The following DMD variants were observed in gnomAD, a reference collection of about 807,000 sequenced individuals.
DMD encodes mutant dystrophin.
A neutral mutation model predicts 330.1 loss-of-function variants in DMD; 63 were observed. The observed-to-expected ratio is 0.19, with a 90% confidence interval of 0.16 to 0.24. The LOEUF is 0.24. Ranked by LOEUF, DMD falls within the 10% of genes least tolerant of loss-of-function variation. The pLI is 1.00. For synonymous variants in DMD, 1,223 were observed against 959.8 expected (o/e 1.27, Z -5.07); for missense variants, 3,344 against 2,684.1 (o/e 1.25, Z -5.43).
rs374080094 is a variant in DMD, at chrX:33,293,623, T to G, written c.7+45636A>C. On this transcript the variant is annotated intron_variant, in intron 1 of 17. Coordinates refer to the DMD transcript ENST00000288447. ...CTAGCTGCAATGGAGGATGAAAAATTTAAACTTTATTGTAGGATGTTCATT... is the reference window on the plus strand; with the variant it reads ...CTAGCTGCAATGGAGGATGAAAAATGTAAACTTTATTGTAGGATGTTCATT... 3.5e-4 allele frequency among the ~76,000 whole-genome samples: 39 copies of G among 110,977 alleles called. No individual in the cohort carries two copies. The South Asian group carries it at 0.014, about 40-fold the overall frequency.
intron 63 of DMD, among the ~76,000 whole-genome samples, chrX:31,246,605 C>T (rs1206357091): frequency 1.8e-5 from 2 of 112,157 alleles, no homozygotes; most frequent in African/African-American, 3.2e-5. Context: ...GCTCATCTAC[C>T]ATTCTGAAAT....
Position 31,379,487 on chromosome X carries a change from A to C in DMD, c.9085-30853T>G, listed in dbSNP as rs758617376. ...TTACAGCCCTAGACCCTAAAAGGTC[A>C]AAAGGCCGTCTTATTCTCAATATAT... On this transcript the variant is annotated intron_variant, in intron 60 of 78. Coordinates refer to ENST00000357033, the MANE Select transcript of DMD (RefSeq NM_004006.3). Among the ~76,000 whole-genome samples, 4 of 111,702 alleles carry C rather than the reference A, an allele frequency of 3.6e-5. No homozygotes were observed. The East Asian group carries it at 8.4e-4, about 23-fold the overall frequency.
At chrX:33,084,712 C>A (rs1284041590) in intron 1 of DMD, among the ~76,000 whole-genome samples, 1 of 111,676 alleles carries the variant, frequency 9.0e-6, no homozygotes, top group Non-Finnish European at 1.9e-5. Context: ...AGCTGCATGA[C>A]TCCTAAACCA....
At chrX:31,268,545 G>A (rs1359850695) in intron 62 of DMD, among the ~76,000 whole-genome samples, 1 of 111,362 alleles carries the variant, frequency 9.0e-6, no homozygotes, top group Non-Finnish European at 1.9e-5. Context: ...GGTCTGAGGG[G>A]GGCACACTAA....
rs1273190506 is a variant in DMD at position 31,434,456 on chromosome X, A to G, written c.9084+10025T>C. Among the ~76,000 whole-genome samples, 757 of 103,043 alleles carry G rather than the reference A, an allele frequency of 7.3e-3. 5 individuals are homozygous for G. Among genetic ancestry groups the G allele is most frequent in the African/African-American group, 0.025 (705 of 28,209 alleles). 89.5% of individuals were successfully genotyped at this position (103,043 alleles called of 115,157 possible). On this transcript the variant is annotated intron_variant, in intron 60 of 78. Coordinates refer to ENST00000357033, the MANE Select transcript of DMD (RefSeq NM_004006.3). ...CACACACACACACACACACACACAC[A>G]CACACACACACACACACATTTAGGT...
rs764601464 is a variant in DMD, at chrX:32,485,022, T to C, written c.2700A>G (p.Lys900=). 4.1e-6 allele frequency: 5 copies of C among 1,211,631 alleles called. No homozygotes were observed. The highest frequency in any genetic ancestry group is 3.4e-6 in the Non-Finnish European group (3 of 895,227). The change falls in exon 21 of 79, where the codon AAA becomes AAG. Residue 900 remains lysine, a synonymous_variant. Coordinates refer to ENST00000357033, the MANE Select transcript of DMD (RefSeq NM_004006.3). ...LKIQSIALKE[K]GQGPMFLDAD... is the part of the protein sequence containing the mutation. ...CATCCAGGAACATGGGTCCTTGTCC[T>C]TTCTCTTTCAGGGCTATGCTTTGAA...
intron 67 of DMD, among the ~76,000 whole-genome samples, chrX:31,198,480 A>G (rs1195435026): frequency 8.9e-6 from 1 of 112,301 alleles, no homozygotes; most frequent in African/African-American, 3.2e-5. Context: ...GGACACCCCA[A>G]TTACTCTGAT....
intron 1 of DMD, among the ~76,000 whole-genome samples, chrX:33,281,629 G>A (rs993993633): frequency 9.0e-6 from 1 of 111,066 alleles, no homozygotes; most frequent in African/African-American, 3.3e-5. Context: ...TCAGTATGCA[G>A]GCGACTTTTG....
chrX:32,265,114 C>T (rs190062454), intron 43 of DMD, among the ~76,000 whole-genome samples: 1 of 112,101 alleles, frequency 8.9e-6, no homozygotes, highest in African/African-American at 3.2e-5. Context: ...CATGGCAGCC[C>T]CTCCCATCAT....
intron 44 of DMD, among the ~76,000 whole-genome samples, chrX:32,127,335 G>A (rs1434872778): frequency 9.0e-6 from 1 of 111,559 alleles, no homozygotes; most frequent in Admixed American, 9.6e-5. Flanking sequence ...GAAATCAGAA[G>A]TGTCTCTCAC....
At chrX:32,763,664 C>T (rs2072608945) in intron 7 of DMD, among the ~76,000 whole-genome samples, 1 of 111,985 alleles carries the variant, frequency 8.9e-6, no homozygotes, top group African/African-American at 3.2e-5. Flanking sequence ...CAGTAATGGT[C>T]TACCAACCTT....
chrX:31,377,188 G>T (rs1227698731), intron 60 of DMD, among the ~76,000 whole-genome samples: 1 of 111,751 alleles, frequency 8.9e-6, no homozygotes, highest in African/African-American at 3.3e-5. Flanking sequence ...GGGGGGAATT[G>T]AATGCCTCCC....
chrX:32,472,043 T>A, intron 22 of DMD, 121 bp downstream of exon 22: 2 of 893,698 alleles, frequency 2.2e-6, no homozygotes, highest in South Asian at 4.2e-5. Context: ...TTTCATTTGC[T>A]CAATGGGCAA....
intron 7 of DMD, among the ~76,000 whole-genome samples, chrX:32,732,970 C>A (rs377086986): frequency 6.9e-4 from 77 of 111,011 alleles, no homozygotes; most frequent in African/African-American, 2.4e-3. Context: ...AGACTGGCAA[C>A]TTGGATAAAG....
intron 61 of DMD, among the ~76,000 whole-genome samples, chrX:31,346,638 C>G (rs939849723): frequency 2.7e-5 from 3 of 110,719 alleles, no homozygotes; most frequent in African/African-American, 9.9e-5. Flanking sequence ...GGTTATTTCT[C>G]TTAGTATTAA....
At chrX:32,198,187 A>C (rs1425997460) in intron 44 of DMD, among the ~76,000 whole-genome samples, 2 of 111,960 alleles carry the variant, frequency 1.8e-5, no homozygotes, top group Admixed American at 9.5e-5. Context: ...AATTCAGCAC[A>C]TATCAACTAT....
At chrX:32,918,495 T>C (rs2088066153) in intron 2 of DMD, among the ~76,000 whole-genome samples, 1 of 110,611 alleles carries the variant, frequency 9.0e-6, no homozygotes, top group South Asian at 3.8e-4. Context: ...GAATTACAGG[T>C]GCCCACCACC....
intron 2 of DMD, among the ~76,000 whole-genome samples, chrX:33,004,551 T>G (rs2093354711): frequency 8.9e-6 from 1 of 111,803 alleles, no homozygotes; most frequent in African/African-American, 3.2e-5. Flanking sequence ...AGTTTTAATT[T>G]ATAATTTTAT....
intron 1 of DMD, among the ~76,000 whole-genome samples, chrX:33,026,313 C>CAAAAAAAAAAAA (rs56794668): frequency 7.0e-4 from 23 of 32,778 alleles, no homozygotes; most frequent in South Asian, 4.7e-3. Flanking sequence ...GACTCCGTCT[C>CAAAAAAAAAAAA]AAAAAAAAAA....
Sources: allele counts gnomAD v4.1 joint callset (sites outside exome capture counted in the v4.1 genomes callset), GRCh38; gene constraint gnomAD v4.1.1; transcripts MANE v1.5; gene names NCBI Gene and HGNC (gene_info 2026-07-23, HGNC 2026-07-21).